Variants in KCTD16 observed in about 807,000 individuals in gnomAD.
KCTD16 encodes the protein potassium channel tetramerization domain containing 16, also known as BTB/POZ domain-containing protein KCTD16.
A neutral mutation model predicts 33.2 loss-of-function variants in KCTD16; 13 were observed. The ratio of observed to expected loss-of-function variants is 0.39; its 90% CI spans 0.25 to 0.62. The LOEUF (loss-of-function observed/expected upper bound fraction) is 0.62. KCTD16 is among the 20% of genes least tolerant of loss of function. KCTD16 has a pLI of 0.50. For synonymous variants in KCTD16, 197 were observed against 195.3 expected (o/e 1.01, Z -0.07); for missense variants, 441 against 525.1 (o/e 0.84, Z 1.57).
intron 3 of KCTD16, among the ~76,000 whole-genome samples, chr5:144,250,850 A>G (rs1393258543): frequency 6.6e-6 from 1 of 152,202 alleles, no homozygotes; most frequent in Non-Finnish European, 1.5e-5. Flanking sequence ...ATTATTATGC[A>G]TAATTGCATT....
chr5:144,276,020 G>A (rs1294110909), intron 3 of KCTD16, among the ~76,000 whole-genome samples: 1 of 152,050 alleles, frequency 6.6e-6, no homozygotes, highest in Non-Finnish European at 1.5e-5. Flanking sequence ...GAAATAAACA[G>A]GTTTCTTTGG....
chr5:144,299,072 A>ATATT (rs1491103244), intron 3 of KCTD16, among the ~76,000 whole-genome samples: 24 of 57,434 alleles, frequency 4.2e-4, no homozygotes, highest in Admixed American at 7.5e-4. Flanking sequence ...ATATATATAT[A>ATATT]TTTTTGTATA....
At chr5:144,188,467 A>G (rs1016830086) in intron 2 of KCTD16, among the ~76,000 whole-genome samples, 2 of 152,198 alleles carry the variant, frequency 1.3e-5, no homozygotes, top group African/African-American at 4.8e-5. Context: ...TCTTTTCTTT[A>G]ACCCACAAAG....
At chr5:144,260,119 A>G (rs904748051) in intron 3 of KCTD16, among the ~76,000 whole-genome samples, 1 of 152,248 alleles carries the variant, frequency 6.6e-6, no homozygotes, top group Non-Finnish European at 1.5e-5. Flanking sequence ...AGATAGAGCA[A>G]TTGTTCTCAC....
At chr5:144,270,963 A>C (rs1755276594) in intron 3 of KCTD16, among the ~76,000 whole-genome samples, 1 of 151,964 alleles carries the variant, frequency 6.6e-6, no homozygotes, top group Non-Finnish European at 1.5e-5. Context: ...TACCATGACT[A>C]AATCATGAAA....
intron 3 of KCTD16, among the ~76,000 whole-genome samples, chr5:144,246,004 G>A (rs945306545): frequency 1.3e-5 from 2 of 152,144 alleles, no homozygotes; most frequent in Non-Finnish European, 2.9e-5. Flanking sequence ...ACACTACAGG[G>A]CTTTTTGGGC....
intron 3 of KCTD16, among the ~76,000 whole-genome samples, chr5:144,251,974 T>C (rs1754712726): frequency 6.6e-6 from 1 of 152,202 alleles, no homozygotes; most frequent in South Asian, 2.1e-4. Flanking sequence ...TAAAGTATAA[T>C]TAACAAATAA....
intron 3 of KCTD16, chr5:144,385,306 T>C (rs1165528401): frequency 6.6e-6 from 1 of 152,212 alleles, no homozygotes; most frequent in Non-Finnish European, 1.5e-5. Context: ...TGTCCACAAA[T>C]CATTGATAAT....
chr5:144,446,869 G>A lies in KCTD16; in HGVS notation c.833-26791G>A, dbSNP rs1382148998. Among the ~76,000 whole-genome samples the A allele has an allele frequency of 2.0e-5, 3 of 152,062 alleles. No homozygotes were observed. The East Asian group carries it at 5.8e-4, about 29-fold the overall frequency. On this transcript the variant is annotated intron_variant, in intron 3 of 3. Coordinates refer to ENST00000512467, the MANE Select transcript of KCTD16 (RefSeq NM_020768.4). Reference sequence around the variant, plus strand: ...AAACCACAATGAGATACTATCTCGTGCCAGTTAGAATGGCGATCATTAAGA... The same window carrying A: ...AAACCACAATGAGATACTATCTCGTACCAGTTAGAATGGCGATCATTAAGA...
At chr5:144,434,142 A>C (rs968305326) in intron 3 of KCTD16, among the ~76,000 whole-genome samples, 49 of 152,164 alleles carry the variant, frequency 3.2e-4, no homozygotes, top group African/African-American at 1.2e-3. Context: ...CTCACCTGTT[A>C]CAGTCAGCTT....
intron 3 of KCTD16, among the ~76,000 whole-genome samples, chr5:144,305,746 G>A (rs925204307): frequency 5.3e-5 from 8 of 152,158 alleles, no homozygotes; most frequent in South Asian, 4.1e-4. Context: ...CCCAGGAGGC[G>A]CAGGTTGCAG....
intron 3 of KCTD16, among the ~76,000 whole-genome samples, chr5:144,442,176 G>C (rs145598203): frequency 5.3e-5 from 8 of 152,086 alleles, no homozygotes; most frequent in African/African-American, 1.9e-4. Context: ...GATCAAAGTA[G>C]CTTATTAGTC....
In KCTD16 at chr5:144,466,646, A is replaced by C. The variant is rs1465488877; in HGVS notation, c.833-7014A>C. On this transcript the variant is annotated intron_variant, in intron 3 of 3. Coordinates refer to ENST00000512467, the MANE Select transcript of KCTD16 (RefSeq NM_020768.4). ...TGTTTGAATATTGTGTCCACTAAATAAAAACCAGATGCTTTGTATTTAAAA... is the reference window on the plus strand; with the variant it reads ...TGTTTGAATATTGTGTCCACTAAATCAAAACCAGATGCTTTGTATTTAAAA... Among the ~76,000 whole-genome samples, 3 of 152,084 alleles carry C rather than the reference A, an allele frequency of 2.0e-5. No individual in the cohort carries two copies. In the South Asian group the frequency reaches 6.2e-4, roughly 31 times the overall value.
At chr5:144,176,729 A>T (rs932789903) in intron 2 of KCTD16, among the ~76,000 whole-genome samples, 2 of 152,156 alleles carry the variant, frequency 1.3e-5, no homozygotes, top group African/African-American at 2.4e-5. Flanking sequence ...AAAATCATAG[A>T]TGTGTCAGAT....
intron 3 of KCTD16, among the ~76,000 whole-genome samples, chr5:144,471,116 G>A (rs1352621114): frequency 1.3e-5 from 2 of 152,104 alleles, no homozygotes; most frequent in Non-Finnish European, 2.9e-5. Context: ...GGAGGTGGAG[G>A]TTGCAGTGAA....
chr5:144,262,663 AAG>A (rs1453468084), intron 3 of KCTD16, among the ~76,000 whole-genome samples: 1 of 152,198 alleles, frequency 6.6e-6, no homozygotes, highest in African/African-American at 2.4e-5. Context: ...ATTGTCTTAA[AAG>A]AGAAAGACCT....
chr5:144,240,422 T>C (rs1754371681), intron 3 of KCTD16, among the ~76,000 whole-genome samples: 1 of 152,122 alleles, frequency 6.6e-6, no homozygotes, highest in Admixed American at 6.6e-5. Flanking sequence ...TGAGATAATG[T>C]AAGTCTAACA....
rs2127009468 is a variant in KCTD16 at position 144,484,142 on chromosome 5, T to G, written c.*10028T>G. ...CTGCTTAGTTTAGAGACGGACAAAC[T>G]AATGTATTTTTGTAAATCATGGGTG... On this transcript the variant is annotated 3_prime_UTR_variant, in exon 4 of 4. Transcript: ENST00000512467. The G allele has an allele frequency of 6.6e-6, 1 of 152,066 alleles. No homozygotes were observed. The highest frequency in any genetic ancestry group is 1.9e-4 in the East Asian group (1 of 5,148). The allele number at this position is 152,066 out of a possible 1,614,324, so 9.4% of individuals were successfully genotyped here.
intron 3 of KCTD16, among the ~76,000 whole-genome samples, chr5:144,421,040 G>A (rs1393018980): frequency 6.6e-6 from 1 of 152,138 alleles, no homozygotes; most frequent in Non-Finnish European, 1.5e-5. Context: ...TACCTCAGTG[G>A]TTTTAAGCTT....
Sources: allele counts gnomAD v4.1 joint callset (sites outside exome capture counted in the v4.1 genomes callset), GRCh38; gene constraint gnomAD v4.1.1; transcripts MANE v1.5; gene names NCBI Gene and HGNC (gene_info 2026-07-23, HGNC 2026-07-21).